Variants in DTNA observed in about 807,000 individuals in gnomAD.
DTNA encodes dystrophin-related protein 3.
Under a neutral mutation model 100.7 loss-of-function variants are expected in DTNA, and 43 were observed. The ratio of observed to expected loss-of-function variants is 0.43; its 90% confidence interval spans 0.33 to 0.55. DTNA has a LOEUF of 0.55. Among genes scored for constraint, DTNA ranks in the 20% least tolerant of loss-of-function variants. The probability of loss-of-function intolerance (pLI) is 0.04; values close to 1 mark genes in which losing one functional copy is unlikely to be tolerated. For synonymous variants in DTNA, 349 were observed against 347.9 expected (o/e 1.00, Z -0.04); for missense variants, 798 against 953.9 (o/e 0.84, Z 2.15).
intron 1 of DTNA, among the ~76,000 whole-genome samples, chr18:34,736,455 C>T (rs17556884): frequency 0.084 from 12,806 of 152,116 alleles, 619 homozygotes; most frequent in African/African-American, 0.12. Context: ...ATTTTTCATA[C>T]AGCTATTTTG....
At chr18:34,496,243 C>CA (rs1367486840) in intron 1 of DTNA, among the ~76,000 whole-genome samples, 1 of 150,220 alleles carries the variant, frequency 6.7e-6, no homozygotes, top group Non-Finnish European at 1.5e-5. Flanking sequence ...CACACACACA[C>CA]ACCAGAATTA....
intron 1 of DTNA, among the ~76,000 whole-genome samples, chr18:34,526,399 C>T (rs1217586193): frequency 2.0e-5 from 3 of 151,978 alleles, no homozygotes; most frequent in East Asian, 1.9e-4. Flanking sequence ...GTCTCAATTG[C>T]GTGCTTTTGG....
At chr18:34,721,723 C>T (rs1302274701) in intron 1 of DTNA, among the ~76,000 whole-genome samples, 3 of 152,210 alleles carry the variant, frequency 2.0e-5, no homozygotes, top group Non-Finnish European at 4.4e-5. Flanking sequence ...AAACAATATA[C>T]AATTTTATCT....
chr18:34,877,005 T>A, intron 18 of DTNA, among the ~76,000 whole-genome samples: 1 of 152,204 alleles, frequency 6.6e-6, no homozygotes, highest in Non-Finnish European at 1.5e-5. Context: ...CGGAATGAAA[T>A]TCCATTAACC....
At chr18:34,734,477 C>G (rs1004835329) in intron 1 of DTNA, among the ~76,000 whole-genome samples, 30 of 152,172 alleles carry the variant, frequency 2.0e-4, no homozygotes, top group Admixed American at 2.0e-4. Flanking sequence ...CAGTAGTCAC[C>G]TGGCGAGGCT....
intron 1 of DTNA, among the ~76,000 whole-genome samples, chr18:34,497,377 G>A (rs1400906220): frequency 6.6e-6 from 1 of 152,120 alleles, no homozygotes; most frequent in African/African-American, 2.4e-5. Context: ...TATTGAACAT[G>A]TACTGTATAC....
chr18:34,556,201 T>C (rs1195077761), intron 1 of DTNA, among the ~76,000 whole-genome samples: 1 of 151,400 alleles, frequency 6.6e-6, no homozygotes, highest in Non-Finnish European at 1.5e-5. Flanking sequence ...ACCCCTGCCT[T>C]TTTTTGTTTT....
At chr18:34,768,387 A>G (rs2093600643) in intron 3 of DTNA, among the ~76,000 whole-genome samples, 1 of 152,188 alleles carries the variant, frequency 6.6e-6, no homozygotes, top group Non-Finnish European at 1.5e-5. Context: ...GGCTCAGGGA[A>G]TCAGGGACTT....
At chr18:34,771,295 C>T (rs549430382) in intron 3 of DTNA, among the ~76,000 whole-genome samples, 1 of 152,024 alleles carries the variant, frequency 6.6e-6, no homozygotes, top group South Asian at 2.1e-4. Flanking sequence ...GTCAGGAGAT[C>T]GAGACCATCC....
Position 34,715,688 on chromosome 18 carries a change from C to T in DTNA, c.-2+5243C>T, listed in dbSNP as rs142432993. On this transcript the variant is annotated intron_variant, in intron 1 of 22. Coordinates refer to ENST00000444659, the MANE Select transcript of DTNA (RefSeq NM_001386795.1). The stretch of plus-strand genomic sequence containing the variant: ...TAGAACTTATGATAGAAAAGGATGA[C>T]CTCAAAGACAAAAATCATAAAGGAA... Among the ~76,000 whole-genome samples, 1,152 of 151,836 alleles carry T rather than the reference C, an allele frequency of 7.6e-3. 15 individuals are homozygous for T. Among genetic ancestry groups the T allele is most frequent in the African/African-American group, 0.026 (1,095 of 41,422 alleles).
At chr18:34,549,322 A>G (rs1026711697) in intron 1 of DTNA, among the ~76,000 whole-genome samples, 3 of 152,114 alleles carry the variant, frequency 2.0e-5, no homozygotes, top group African/African-American at 7.2e-5. Context: ...ACATTATATA[A>G]AGCATTTTAT....
intron 2 of DTNA, among the ~76,000 whole-genome samples, chr18:34,758,549 T>A (rs2092933985): frequency 6.6e-6 from 1 of 152,184 alleles, no homozygotes; most frequent in South Asian, 2.1e-4. Flanking sequence ...AGGCCATCTG[T>A]TTGCTAATTG....
At chr18:34,571,928 C>T (rs868663715) in intron 1 of DTNA, among the ~76,000 whole-genome samples, 1 of 152,160 alleles carries the variant, frequency 6.6e-6, no homozygotes, top group African/African-American at 2.4e-5. Context: ...ATTTTGGCAA[C>T]ACAGCGTTCA....
At chr18:34,839,856 A>T (rs1451221482) in intron 13 of DTNA, among the ~76,000 whole-genome samples, 1 of 152,216 alleles carries the variant, frequency 6.6e-6, no homozygotes, top group Non-Finnish European at 1.5e-5. Flanking sequence ...ATTAAAAGTG[A>T]TGACAAAAAC....
intron 1 of DTNA, among the ~76,000 whole-genome samples, chr18:34,657,224 C>T (rs2074515422): frequency 6.6e-6 from 1 of 152,130 alleles, no homozygotes; most frequent in Non-Finnish European, 1.5e-5. Context: ...ACCATTTCTC[C>T]TGTCCATTGG....
At position 34,815,950 on chromosome 18, in the gene DTNA, A is replaced by G. The variant is rs1287666369; in HGVS notation, c.645A>G (p.Ser215=). The change falls in exon 7 of 23, where the codon TCA becomes TCG. Residue 215 remains serine (S), a synonymous_variant. Transcript: ENST00000444659. ...ATGGTTTCTTGGACACGCTTATGTC[A>G]GATCCTCCCCCGCAGTGTCTGGTCT... The part of the protein sequence containing the change: ...TLNGFLDTLM[S]DPPPQCLVWL... 4.3e-6 allele frequency: 7 copies of G among 1,613,880 alleles called. No homozygotes were observed. The South Asian group carries it at 6.6e-5, about 15-fold the overall frequency.
chr18:34,787,053 G>A (rs1039070522), intron 3 of DTNA, among the ~76,000 whole-genome samples: 1 of 152,138 alleles, frequency 6.6e-6, no homozygotes, highest in Non-Finnish European at 1.5e-5. Flanking sequence ...AAGAGATGCA[G>A]CATTTCTAAA....
intron 1 of DTNA, among the ~76,000 whole-genome samples, chr18:34,506,787 C>T (rs1488292064): frequency 3.9e-5 from 6 of 152,150 alleles, no homozygotes; most frequent in African/African-American, 1.4e-4. Context: ...GATTTGTCTT[C>T]TCTTCTCCAG....
At chr18:34,573,515 C>T (rs1053350911) in intron 1 of DTNA, among the ~76,000 whole-genome samples, 1 of 152,108 alleles carries the variant, frequency 6.6e-6, no homozygotes, top group African/African-American at 2.4e-5. Context: ...ATGCTATAAC[C>T]ATTAATTGAC....
Sources: gnomAD v4.1 joint callset for allele counts (sites outside exome capture counted in the v4.1 genomes callset) on GRCh38, gnomAD v4.1.1 for gene constraint, MANE v1.5 for transcripts, NCBI Gene and HGNC (gene_info 2026-07-23, HGNC 2026-07-21) for gene names.